Variants in ERCC6 observed in about 807,000 individuals in gnomAD.
ERCC6 encodes the protein DNA excision repair protein ERCC-6.
A neutral mutation model predicts 158.7 loss-of-function variants in ERCC6; 116 were observed. The ratio of observed to expected loss-of-function variants is 0.73; its 90% confidence interval spans 0.63 to 0.85. The LOEUF is 0.85. ERCC6 is among the 40% of genes least tolerant of loss of function. The pLI is 0.00. For missense variants in ERCC6, 1,698 were observed against 1,799.4 expected (o/e 0.94, Z 1.02); for synonymous variants, 678 against 659.3 (o/e 1.03, Z -0.43).
At chr10:49,483,957 A>G (rs1851030792) in intron 8 of ERCC6, among the ~76,000 whole-genome samples, 2 of 152,068 alleles carry the variant, frequency 1.3e-5, no homozygotes, top group Admixed American at 6.5e-5. Flanking sequence ...GACAGAGTGA[A>G]AAGGATATAA....
In ERCC6 at chr10:49,528,311, G is replaced by A. The variant is rs1255081151; in HGVS notation, c.652+106C>T. On this transcript the variant is annotated intron_variant, in intron 4 of 20. Transcript: ENST00000355832. Reference sequence around the variant, plus strand: ...TGTTTTGACACTAAGGCAAAGAAACGTATTTTTCTCAAAACCCAGGCAAAG... The same window carrying A: ...TGTTTTGACACTAAGGCAAAGAAACATATTTTTCTCAAAACCCAGGCAAAG... The A allele has an allele frequency of 3.3e-5, 44 of 1,349,316 alleles. 1 individual carries two copies. Among genetic ancestry groups the A allele is most frequent in the South Asian group, 3.2e-4 (26 of 82,212 alleles). The allele number at this position is 1,349,316 out of a possible 1,614,324, so 83.6% of individuals were successfully genotyped here. A position where few individuals can be genotyped will look rare whatever the true frequency, so the allele number is the denominator to read the frequency against.
chr10:49,516,239 C>T (rs1350967502), intron 5 of ERCC6: 9 of 1,614,012 alleles, frequency 5.6e-6, no homozygotes, highest in Non-Finnish European at 7.6e-6. Flanking sequence ...TATAGCCAAA[C>T]CGAATGGGCT....
rs869030837 is a variant in ERCC6, at chr10:49,488,638, CTT to C, written c.1821+4477_1821+4478del. On this transcript the variant is annotated intron_variant, in intron 8 of 20. Transcript: ENST00000355832. ...AGATGCTTAAGGAATAATGTGGCCT[CTT>C]TCTTTTTTTTTTTTTTTTAAAGTTT... 5.6e-3 allele frequency among the ~76,000 whole-genome samples: 793 copies of C among 142,368 alleles called. 14 individuals carry two copies. Among genetic ancestry groups the C allele is most frequent in the South Asian group, 0.048 (206 of 4,300 alleles). The allele number at this position is 142,368 out of a possible 152,430, so 93.4% of individuals were successfully genotyped here. A position where few individuals can be genotyped will look rare whatever the true frequency, so the allele number is the denominator to read the frequency against.
chr10:49,461,571 A>T lies in ERCC6; in HGVS notation c.3779-15T>A, dbSNP rs1464021994. ...GTGCACGCCAACTAGCAAGAAAAGA[A>T]ATAGCAAAGTGATATTTCACTCTGT... On this transcript the variant is annotated splice_polypyrimidine_tract_variant and intron_variant, in intron 18 of 20. Transcript: ENST00000355832. The T allele has an allele frequency of 1.1e-5, 17 of 1,606,932 alleles. No homozygotes were observed. The highest frequency in any genetic ancestry group is 1.4e-5 in the Non-Finnish European group (16 of 1,176,222).
At position 49,515,765 on chromosome 10, in the gene ERCC6, T is replaced by G. The variant is rs756425090; in HGVS notation, c.1397+8268A>C. 2.0e-5 allele frequency: 32 copies of G among 1,614,224 alleles called. No individual in the cohort carries two copies. In the East Asian group the frequency reaches 7.1e-4, roughly 36 times the overall value. On this transcript the variant is annotated intron_variant, in intron 5 of 20. Coordinates refer to ENST00000355832, the MANE Select transcript of ERCC6 (RefSeq NM_000124.4). ...ACTGGTTATACACTTTGATCATGTT[T>G]GGCTGCTGAACTTGTATCTTCTTTT... is the stretch of plus-strand genomic sequence containing the variant.
intron 5 of ERCC6, among the ~76,000 whole-genome samples, chr10:49,510,327 C>A (rs1851512022): frequency 6.6e-6 from 1 of 152,158 alleles, no homozygotes; most frequent in African/African-American, 2.4e-5. Context: ...TGGAAAGACA[C>A]AGCTAGCTAC....
At chr10:49,446,955 C>T in the ERCC6 span, among the ~76,000 whole-genome samples, 1 of 152,112 alleles carries the variant, frequency 6.6e-6, no homozygotes, top group Non-Finnish European at 1.5e-5. Context: ...GGACATGAAT[C>T]CTTAAATTCA....
chr10:49,495,077 G>C (rs556583645), intron 7 of ERCC6, among the ~76,000 whole-genome samples: 1 of 152,160 alleles, frequency 6.6e-6, no homozygotes, highest in Non-Finnish European at 1.5e-5. Flanking sequence ...CAAAGGGACA[G>C]TGTCCCTTTT....
rs4838518 is a variant in ERCC6, at chr10:49,461,840, T to C, written c.3779-284A>G. 0.43 allele frequency among the ~76,000 whole-genome samples: 64,667 copies of C among 151,958 alleles called. 14,801 individuals are homozygous for C. The highest frequency in any genetic ancestry group is 0.51 in the Non-Finnish European group (34,620 of 67,926). On this transcript the variant is annotated intron_variant, in intron 18 of 20. Transcript: ENST00000355832. ...ACAGTAACAGAAAAGACCAAACACTTAGGAATAAACCCAAGCAATGTGTAA... is the reference window on the plus strand; with the variant it reads ...ACAGTAACAGAAAAGACCAAACACTCAGGAATAAACCCAAGCAATGTGTAA...
intron 8 of ERCC6, among the ~76,000 whole-genome samples, chr10:49,484,915 G>A (rs1851050821): frequency 6.6e-6 from 1 of 152,190 alleles, no homozygotes; most frequent in South Asian, 2.1e-4. Flanking sequence ...ATTCTAAGAA[G>A]GAAAAGTGGT....
At chr10:49,518,016 T>A (rs1837036543) in intron 5 of ERCC6, among the ~76,000 whole-genome samples, 1 of 152,236 alleles carries the variant, frequency 6.6e-6, no homozygotes, top group African/African-American at 2.4e-5. Flanking sequence ...CAAATCAACC[T>A]CCACATTGTG....
Position 49,528,306 on chromosome 10 carries a change from GA to G in ERCC6, c.652+110del, listed in dbSNP as rs1837388478. ...AAATCTGTTTTGACACTAAGGCAAA[GA>G]AACGTATTTTTCTCAAAACCCAGGC... On this transcript the variant is annotated intron_variant, in intron 4 of 20. Coordinates refer to ENST00000355832, the MANE Select transcript of ERCC6 (RefSeq NM_000124.4). 5 of 1,309,342 alleles carry G rather than the reference GA, an allele frequency of 3.8e-6. No individual in the cohort carries two copies. In the Admixed American group the frequency reaches 9.5e-5, roughly 25 times the overall value. The allele number at this position is 1,309,342 out of a possible 1,614,324, so 81.1% of individuals were successfully genotyped here. A position where few individuals can be genotyped will look rare whatever the true frequency, so the allele number is the denominator to read the frequency against.
chr10:49,460,091 C>T, intron 20 of ERCC6: 1 of 487,316 alleles, frequency 2.1e-6, no homozygotes, highest in Non-Finnish European at 3.7e-6. Flanking sequence ...CTAGACAAGG[C>T]AGGCTGTCCT....
At chr10:49,468,869 T>C (rs953936519) in intron 18 of ERCC6, among the ~76,000 whole-genome samples, 3 of 152,110 alleles carry the variant, frequency 2.0e-5, no homozygotes, top group African/African-American at 7.2e-5. Context: ...GCTCAAAGAA[T>C]GGTGGGGACA....
chr10:49,457,606 A>C lies in ERCC6; in HGVS notation c.*1209T>G, dbSNP rs1211215630. Reference sequence around the variant, plus strand: ...AATAGCAGGGTAGGAGGGCAGGCATACTACAGAAAAATGAGAGAGAGGAAA... The same window carrying C: ...AATAGCAGGGTAGGAGGGCAGGCATCCTACAGAAAAATGAGAGAGAGGAAA... On this transcript the variant is annotated 3_prime_UTR_variant, in exon 21 of 21. Coordinates refer to ENST00000355832, the MANE Select transcript of ERCC6 (RefSeq NM_000124.4). 1 of 152,246 alleles carries C rather than the reference A, an allele frequency of 6.6e-6. No individual in the cohort carries two copies. Among genetic ancestry groups the C allele is most frequent in the East Asian group, 1.9e-4 (1 of 5,196 alleles). 9.4% of individuals were successfully genotyped at this position (152,246 alleles called of 1,614,324 possible). A position where few individuals can be genotyped will look rare whatever the true frequency, so the allele number is the denominator to read the frequency against.
chr10:49,503,557 G>C (rs1179250782), intron 6 of ERCC6: 1 of 152,034 alleles, frequency 6.6e-6, no homozygotes, highest in Non-Finnish European at 1.5e-5. Context: ...CAGATTAAAA[G>C]CACTAGCCAC....
In ERCC6 at chr10:49,524,561, C is replaced by G. The variant is rs1159163328; in HGVS notation, c.869G>C (p.Cys290Ser). Residue 290 changes from cysteine (C) to serine (S), a missense_variant, in exon 5 of 21, where the codon TGT becomes TCT. Physicochemically the swap from Cys to Ser is moderately radical, Grantham distance 112 (BLOSUM62 -1). Transcript: ENST00000355832. ...KLSFERKKQGCNKRAARKAPA... is the reference protein window; with the variant it reads ...KLSFERKKQGSNKRAARKAPA... Reference sequence around the variant, plus strand: ...AGCTTTTCTAGCTGCTCTTTTATTACAACCTTGCTTCTTCCTTTCAAAAGA... The same window carrying G: ...AGCTTTTCTAGCTGCTCTTTTATTAGAACCTTGCTTCTTCCTTTCAAAAGA... The G allele has an allele frequency of 1.2e-6, 2 of 1,614,226 alleles. No homozygotes were observed. Among genetic ancestry groups the G allele is most frequent in the Non-Finnish European group, 1.7e-6 (2 of 1,180,030 alleles).
At chr10:49,447,139 C>G in the ERCC6 span, among the ~76,000 whole-genome samples, 1 of 152,222 alleles carries the variant, frequency 6.6e-6, no homozygotes, top group East Asian at 1.9e-4. Context: ...ACACATAAAT[C>G]ATAATGAAAC....
intron 12 of ERCC6, among the ~76,000 whole-genome samples, chr10:49,475,986 C>A (rs1397735451): frequency 1.3e-5 from 2 of 152,208 alleles, no homozygotes; most frequent in African/African-American, 4.8e-5. Context: ...GGGTTCAGAT[C>A]CACAGCACAC....
Sources: gnomAD v4.1 joint callset for allele counts (sites outside exome capture counted in the v4.1 genomes callset) on GRCh38, gnomAD v4.1.1 for gene constraint, MANE v1.5 for transcripts, NCBI Gene and HGNC (gene_info 2026-07-23, HGNC 2026-07-21) for gene names.